NSD2: variants seen among roughly 807,000 people sequenced by gnomAD.
NSD2 encodes the protein nuclear receptor binding SET domain protein 2, also known as histone-lysine N-methyltransferase NSD2.
In NSD2, 12 loss-of-function variants were observed where a neutral mutation model predicts 139.0. The observed-to-expected ratio is 0.09, with a 90% CI of 0.06 to 0.14. NSD2 has a LOEUF of 0.14. Among genes scored for constraint, NSD2 ranks in the 10% least tolerant of loss-of-function variants. The pLI is 1.00. For synonymous variants in NSD2, 669 were observed against 648.7 expected (o/e 1.03, Z -0.48); for missense variants, 1,155 against 1,745.0 (o/e 0.66, Z 6.02).
chr4:1,959,401 G>C, intron 16 of NSD2, 70 bp from the exon 17 acceptor site: 1 of 1,559,736 alleles, frequency 6.4e-7, no homozygotes. Flanking sequence ...AGGAGAGGCA[G>C]TGGTGGGTGT....
chr4:1,952,767 G>A (rs953352292), intron 11 of NSD2: 52 of 1,117,094 alleles, frequency 4.7e-5, no homozygotes, highest in Non-Finnish European at 5.1e-5. Context: ...GCCCGGCACA[G>A]TCTGGGGTCT....
intron 5 of NSD2, among the ~76,000 whole-genome samples, chr4:1,922,436 T>C (rs1720274632): frequency 6.6e-6 from 1 of 152,238 alleles, no homozygotes; most frequent in African/African-American, 2.4e-5. Flanking sequence ...AATAAAGATG[T>C]ATTTATATAT....
chr4:1,943,343 A>G, intron 9 of NSD2: 1 of 1,043,216 alleles, frequency 9.6e-7, no homozygotes, highest in South Asian at 4.6e-5. Context: ...TAAGTAATGT[A>G]ACGCATGTAA....
At chr4:1,912,713 A>G (rs536012797) in intron 3 of NSD2, among the ~76,000 whole-genome samples, 106 of 152,008 alleles carry the variant, frequency 7.0e-4, no homozygotes, top group Non-Finnish European at 1.2e-3. Context: ...CTTACTACTT[A>G]GATTTTCTTT....
In NSD2 at chr4:1,972,606, G is replaced by A. The variant is rs1426853154; in HGVS notation, c.3373-2257G>A. The stretch of plus-strand genomic sequence containing the variant: ...CAGGGCCGGGCAGCCCACGTACCAC[G>A]CACTGATGCCTCCCCTCACACCACT... On this transcript the variant is annotated intron_variant, in intron 18 of 21. Coordinates refer to ENST00000508803, the MANE Select transcript of NSD2 (RefSeq NM_001042424.3). This position sits in a 1 kb window ranked among gnomAD's most constrained non-coding sequence, Gnocchi z 4.0. Among the ~76,000 whole-genome samples the A allele has an allele frequency of 2.0e-5, 3 of 152,202 alleles. No individual in the cohort carries two copies. The highest frequency in any genetic ancestry group is 6.5e-5 in the Admixed American group (1 of 15,284).
At chr4:1,941,219 T>G (rs890503290) in intron 9 of NSD2, 1 of 1,055,546 alleles carries the variant, frequency 9.5e-7, no homozygotes. Context: ...AAGAAGAATA[T>G]TAAACATTTT....
chr4:1,907,272 T>G (rs1367165471), intron 3 of NSD2, among the ~76,000 whole-genome samples: 1 of 152,204 alleles, frequency 6.6e-6, no homozygotes, highest in Non-Finnish European at 1.5e-5. Context: ...GAGTTTTTAT[T>G]GTTTCAACTC....
rs543956681 is a variant in NSD2 at position 1,976,874 on chromosome 4, C to A, written c.3826+195C>A. 6.6e-6 allele frequency among the ~76,000 whole-genome samples: 1 copy of A among 152,218 alleles called. No homozygotes were observed. Among genetic ancestry groups the A allele is most frequent in the African/African-American group, 2.4e-5 (1 of 41,458 alleles). On this transcript the variant is annotated intron_variant, in intron 21 of 21. Coordinates refer to ENST00000508803, the MANE Select transcript of NSD2 (RefSeq NM_001042424.3). The surrounding 1 kb of genome is among the most constrained non-coding windows in gnomAD (Gnocchi z 5.3). ...AGCCGCACATTCTAGATCTCTGCATCGAGCAGAGAAGATATGTGGTGACGG... is the reference window on the plus strand; with the variant it reads ...AGCCGCACATTCTAGATCTCTGCATAGAGCAGAGAAGATATGTGGTGACGG...
At position 1,981,848 on chromosome 4, in the gene NSD2, G is replaced by C. The variant is rs945772163; in HGVS notation, c.*2939G>C. The C allele has an allele frequency of 5.1e-6, 2 of 389,040 alleles. No individual in the cohort carries two copies. The highest frequency in any genetic ancestry group is 5.0e-5 in the African/African-American group (2 of 40,392). The allele number at this position is 389,040 out of a possible 1,614,324, so 24.1% of individuals were successfully genotyped here. On this transcript the variant is annotated 3_prime_UTR_variant, in exon 22 of 22. Coordinates refer to ENST00000508803, the MANE Select transcript of NSD2 (RefSeq NM_001042424.3). ...GATCCTATGAGTGTAGTTGATGACT[G>C]TTTGTTAGTCAGTAGAGTAAAATGC...
chr4:1,872,581 TGTGTGTGTGTGAGAGAGAGAGAGAGAGA>T (rs1713883792), intron 1 of NSD2, among the ~76,000 whole-genome samples: 1 of 66,198 alleles, frequency 1.5e-5, no homozygotes, highest in African/African-American at 5.2e-5. Flanking sequence ...TGTGTGTGTG[TGTGTGTGTGTGAGAGAGAGAGAGAGAGA>T]GAGAGAGAGA....
intron 1 of NSD2, among the ~76,000 whole-genome samples, chr4:1,873,349 A>C (rs889486872): frequency 2.5e-4 from 38 of 152,334 alleles, no homozygotes; most frequent in African/African-American, 8.9e-4. Context: ...TGAAAGAATG[A>C]TGGACAATTT....
rs189063860 is a variant in NSD2 at position 1,952,850 on chromosome 4, A to C, written c.2138-474A>C. ...ACTCACCGGGCCCAAGGAGTCTCCT[A>C]TCTCACGTCAGAACACTTCCTGGGT... On this transcript the variant is annotated intron_variant, in intron 11 of 21. Coordinates refer to ENST00000508803, the MANE Select transcript of NSD2 (RefSeq NM_001042424.3). The C allele has an allele frequency of 8.7e-5, 110 of 1,268,452 alleles. 3 individuals carry two copies. In the East Asian group the frequency reaches 1.8e-3, roughly 20 times the overall value. The allele number at this position is 1,268,452 out of a possible 1,614,324, so 78.6% of individuals were successfully genotyped here.
rs958177690 is a variant in NSD2, at chr4:1,952,931, C to T, written c.2138-393C>T. ...ATGGCAGCCCCACAGCAGCACCTCA[C>T]TTATGGGAGTGTCTGTCTGCCTGCC... On this transcript the variant is annotated intron_variant, in intron 11 of 21. Coordinates refer to ENST00000508803, the MANE Select transcript of NSD2 (RefSeq NM_001042424.3). 7 of 1,421,276 alleles carry T rather than the reference C, an allele frequency of 4.9e-6. No individual in the cohort carries two copies. In the African/African-American group the frequency reaches 7.2e-5, roughly 15 times the overall value. 88.0% of individuals were successfully genotyped at this position (1,421,276 alleles called of 1,614,324 possible).
At position 1,974,970 on chromosome 4, in the gene NSD2, T is replaced by C. The variant is rs772129697; in HGVS notation, c.3480T>C (p.Arg1160=). The C allele has an allele frequency of 6.2e-7, 1 of 1,614,108 alleles. No homozygotes were observed. Among genetic ancestry groups the C allele is most frequent in the South Asian group, 1.1e-5 (1 of 91,088 alleles). Residue 1160 remains arginine (R), a synonymous_variant, in exon 19 of 22, where the codon CGT becomes CGC. Transcript: ENST00000508803. This position sits in a 1 kb window ranked among gnomAD's most constrained non-coding sequence, Gnocchi z 4.0. The stretch of plus-strand genomic sequence containing the variant: ...AGTGGACAGTGAATGGGGACACTCG[T>C]GTGGGCCTGTTTGCCGTCTGTGACA... ...TLKWTVNGDT[R]VGLFAVCDIP...
chr4:1,921,357 G>T (rs1720093880), intron 5 of NSD2, among the ~76,000 whole-genome samples: 1 of 152,130 alleles, frequency 6.6e-6, no homozygotes, highest in Non-Finnish European at 1.5e-5. Context: ...TATGTGGGAG[G>T]CTGAGGCAGG....
At chr4:1,882,815 C>T (rs915436841) in intron 1 of NSD2, among the ~76,000 whole-genome samples, 2 of 152,220 alleles carry the variant, frequency 1.3e-5, no homozygotes, top group Admixed American at 6.5e-5. Flanking sequence ...GTTAGAAATG[C>T]ACATTTTCAT....
chr4:1,909,680 G>A (rs1427450012), intron 3 of NSD2, among the ~76,000 whole-genome samples: 2 of 149,674 alleles, frequency 1.3e-5, no homozygotes, highest in Admixed American at 6.7e-5. Flanking sequence ...TTGCTCACTC[G>A]TCCAGGCTGG....
chr4:1,941,313 T>C (rs1723071056), intron 9 of NSD2: 1 of 1,055,188 alleles, frequency 9.5e-7, no homozygotes. Context: ...TTCACTTGAG[T>C]TGTTGCTTAT....
At chr4:1,920,689 T>C (rs1181641605) in intron 5 of NSD2, among the ~76,000 whole-genome samples, 2 of 151,674 alleles carry the variant, frequency 1.3e-5, no homozygotes, top group Admixed American at 6.6e-5. Flanking sequence ...TGAGCTGTGA[T>C]TGTGCCACAG....
Sources: gnomAD v4.1 joint callset for allele counts (sites outside exome capture counted in the v4.1 genomes callset) on GRCh38, gnomAD v4.1.1 for gene constraint, Gnocchi (gnomAD v3.1) non-coding constraint, MANE v1.5 for transcripts, NCBI Gene and HGNC (gene_info 2026-07-23, HGNC 2026-07-21) for gene names.